The following RBPJ variants were observed in gnomAD, a reference collection of about 807,000 sequenced individuals.
The protein encoded by RBPJ is recombining binding protein suppressor of hairless.
RBPJ carries 9 observed loss-of-function variants against 67.8 expected under a neutral mutation model. The ratio of observed to expected loss-of-function variants is 0.13; its 90% CI spans 0.08 to 0.23. The LOEUF (loss-of-function observed/expected upper bound fraction) is 0.23. RBPJ is among the 10% of genes least tolerant of loss of function. The probability of loss-of-function intolerance (pLI) is 1.00; values close to 1 mark genes in which losing one functional copy is unlikely to be tolerated. For missense variants in RBPJ, 305 were observed against 595.6 expected (o/e 0.51, Z 5.08); for synonymous variants, 198 against 203.3 (o/e 0.97, Z 0.22).
At chr4:26,152,469 G>A in the RBPJ span, among the ~76,000 whole-genome samples, 3 of 152,236 alleles carry the variant, frequency 2.0e-5, no homozygotes, top group African/African-American at 7.2e-5. Flanking sequence ...ACTTGCATGA[G>A]ATCCCATAAC....
chr4:26,294,150 T>G (rs1252142538), intron 1 of RBPJ, among the ~76,000 whole-genome samples: 2 of 151,496 alleles, frequency 1.3e-5, no homozygotes, highest in Non-Finnish European at 2.9e-5. Context: ...CAGATTGGAG[T>G]GCAGTGGCAC....
chr4:26,331,481 T>C (rs1577453081), intron 1 of RBPJ, among the ~76,000 whole-genome samples: 1 of 152,170 alleles, frequency 6.6e-6, no homozygotes, highest in Non-Finnish European at 1.5e-5. Flanking sequence ...TTTTCTCATA[T>C]GTGCAGACTT....
intron 1 of RBPJ, among the ~76,000 whole-genome samples, chr4:26,222,335 A>T (rs994690265): frequency 6.6e-6 from 1 of 151,970 alleles, no homozygotes; most frequent in African/African-American, 2.4e-5. Context: ...CTGTACTAAA[A>T]ATACAAAAAA....
At chr4:26,135,958 A>C in the RBPJ span, among the ~76,000 whole-genome samples, 1 of 152,214 alleles carries the variant, frequency 6.6e-6, no homozygotes, top group Non-Finnish European at 1.5e-5. Context: ...TAAAGGAAAG[A>C]GGTCTAGTTG....
chr4:26,404,597 A>C lies in RBPJ; in HGVS notation c.60-1578A>C, dbSNP rs529979278. On this transcript the variant is annotated intron_variant, in intron 2 of 10. Coordinates refer to ENST00000355476, the MANE Select transcript of RBPJ (RefSeq NM_015874.6). ...CTATAAGAGCTTGGGCATGACAATC[A>C]AAATGGTGTTAGCTGTATAGCAGTA... Among the ~76,000 whole-genome samples, 3 of 152,308 alleles carry C rather than the reference A, an allele frequency of 2.0e-5. No homozygotes were observed. The South Asian group carries it at 6.2e-4, about 32-fold the overall frequency.
rs200349793 is a variant in RBPJ at position 26,430,918 on chromosome 4, G to A, written c.1375G>A (p.Glu459Lys). Residue 459 changes from glutamate to lysine, a missense_variant, in exon 11 of 11, where the codon GAA becomes AAA. By Grantham distance (56) the Glu-to-Lys change is moderately conservative. Coordinates refer to ENST00000355476, the MANE Select transcript of RBPJ (RefSeq NM_015874.6). The surrounding 1 kb of genome is among the most constrained non-coding windows in gnomAD (Gnocchi z 4.1). ...CAATTCAAGCCAGGTGCCCCCTAAC[G>A]AATCAAACACAAACAGCGAGGGAAG... ...RANSSQVPPNESNTNSEGSYT... is the reference protein window; with the variant it reads ...RANSSQVPPNKSNTNSEGSYT... 48 of 1,613,830 alleles carry A rather than the reference G, an allele frequency of 3.0e-5. No homozygotes were observed. Among genetic ancestry groups the A allele is most frequent in the South Asian group, 5.5e-5 (5 of 91,074 alleles).
the RBPJ span, among the ~76,000 whole-genome samples, chr4:26,114,497 A>ATATATATATG: frequency 7.1e-6 from 1 of 140,074 alleles, no homozygotes; most frequent in African/African-American, 2.8e-5. Context: ...ATATATATAT[A>ATATATATATG]TGTATGTGTG....
Position 26,431,196 on chromosome 4 carries a change from A to AAAAAAAAAAAAAAAAG in RBPJ, c.*199_*214dup, listed in dbSNP as rs1736195672. The AAAAAAAAAAAAAAAAG allele has an allele frequency of 2.5e-6, 1 of 401,224 alleles. No homozygotes were observed. Among genetic ancestry groups the AAAAAAAAAAAAAAAAG allele is most frequent in the Admixed American group, 4.1e-5 (1 of 24,498 alleles). 24.9% of individuals were successfully genotyped at this position (401,224 alleles called of 1,614,324 possible). A position where few individuals can be genotyped will look rare whatever the true frequency, so the allele number is the denominator to read the frequency against. The stretch of plus-strand genomic sequence containing the variant: ...GCAGAAGCCACAGTAAAAAAAAAAA[A>AAAAAAAAAAAAAAAAG]AAAAAAAAAAAAAAAGAAAAAAAAA... On this transcript the variant is annotated 3_prime_UTR_variant, in exon 11 of 11. Transcript: ENST00000355476.
intron 1 of RBPJ, among the ~76,000 whole-genome samples, chr4:26,364,607 T>C (rs921426050): frequency 7.9e-5 from 12 of 151,420 alleles, no homozygotes; most frequent in East Asian, 3.9e-4. Context: ...ACTTTTTTTT[T>C]TTTTTCTTTT....
At chr4:26,270,429 G>GAAAGAAAGAAAGAAAGAA in intron 1 of RBPJ, among the ~76,000 whole-genome samples, 1 of 56,724 alleles carries the variant, frequency 1.8e-5, no homozygotes, top group Non-Finnish European at 4.9e-5. Context: ...AAGAAAGAAA[G>GAAAGAAAGAAAGAAAGAA]AAAGAAAGAA....
At chr4:26,302,829 T>G (rs906982102) in intron 1 of RBPJ, among the ~76,000 whole-genome samples, 1 of 152,258 alleles carries the variant, frequency 6.6e-6, no homozygotes. Flanking sequence ...AGCTATTATT[T>G]TTATCTTAAA....
Position 26,431,246 on chromosome 4 carries a change from C to CA in RBPJ, c.*241dup, listed in dbSNP as rs1471690820. 6.0e-6 allele frequency: 2 copies of CA among 333,804 alleles called. No homozygotes were observed. Among genetic ancestry groups the CA allele is most frequent in the African/African-American group, 5.4e-5 (2 of 37,336 alleles). The allele number at this position is 333,804 out of a possible 1,614,324, so 20.7% of individuals were successfully genotyped here. A position where few individuals can be genotyped will look rare whatever the true frequency, so the allele number is the denominator to read the frequency against. On this transcript the variant is annotated 3_prime_UTR_variant, in exon 11 of 11. Transcript: ENST00000355476. ...ATCAAAATGTATAAATATTGGAAAT[C>CA]AAGTTTTTCAGCTGTTTTGTTGGTT...
chr4:26,316,142 G>A (rs1170441379), upstream of RBPJ, among the ~76,000 whole-genome samples: 2 of 151,726 alleles, frequency 1.3e-5, no homozygotes, highest in African/African-American at 2.4e-5. Flanking sequence ...AATTATAAGA[G>A]TATTATTAGG....
chr4:26,223,456 G>T (rs1718981478), intron 1 of RBPJ, among the ~76,000 whole-genome samples: 2 of 152,236 alleles, frequency 1.3e-5, no homozygotes, highest in African/African-American at 4.8e-5. Flanking sequence ...GCCTGAAGGA[G>T]GTTATGCCTG....
intron 1 of RBPJ, among the ~76,000 whole-genome samples, chr4:26,236,786 C>T (rs1719466453): frequency 6.6e-6 from 1 of 152,160 alleles, no homozygotes; most frequent in African/African-American, 2.4e-5. Context: ...TCTCTATTAT[C>T]AGGAAGATTA....
At chr4:26,428,647 C>T in intron 7 of RBPJ, 73 bp from the exon 8 acceptor site, 1 of 1,151,360 alleles carries the variant, frequency 8.7e-7, no homozygotes, top group African/African-American at 1.5e-5. Context: ...CTTCTATGTA[C>T]TTTTGATGTT....
chr4:26,259,829 A>C (rs754610310), intron 1 of RBPJ, among the ~76,000 whole-genome samples: 12 of 152,216 alleles, frequency 7.9e-5, no homozygotes, highest in Non-Finnish European at 1.8e-4. Flanking sequence ...TTTCATCTTC[A>C]GTATTATCTT....
intron 1 of RBPJ, among the ~76,000 whole-genome samples, chr4:26,174,519 C>T (rs6448439): frequency 6.6e-6 from 1 of 152,092 alleles, no homozygotes; most frequent in South Asian, 2.1e-4. Flanking sequence ...GCCCAAGCTG[C>T]AGTGCAGTGG....
chr4:26,272,077 A>T (rs754213980), intron 1 of RBPJ, among the ~76,000 whole-genome samples: 2 of 152,206 alleles, frequency 1.3e-5, no homozygotes, highest in Non-Finnish European at 2.9e-5. Context: ...AATATTAGGT[A>T]TAAGAATCAA....
Sources: gnomAD v4.1 joint callset for allele counts (sites outside exome capture counted in the v4.1 genomes callset) on GRCh38, gnomAD v4.1.1 for gene constraint, Gnocchi (gnomAD v3.1) non-coding constraint, MANE v1.5 for transcripts, NCBI Gene and HGNC (gene_info 2026-07-23, HGNC 2026-07-21) for gene names.